LRBA: variants seen among roughly 807,000 people sequenced by gnomAD.
LRBA encodes the protein LPS responsive beige-like anchor protein.
A neutral mutation model predicts 330.0 loss-of-function variants in LRBA; 176 were observed. That is an observed-to-expected ratio of 0.53 (90% CI 0.47 to 0.60). The LOEUF is 0.60. Among genes scored for constraint, LRBA ranks in the 20% least tolerant of loss-of-function variants. The pLI is 0.00. For missense variants in LRBA, 3,259 were observed against 3,444.8 expected (o/e 0.95, Z 1.35); for synonymous variants, 1,230 against 1,193.0 (o/e 1.03, Z -0.64).
intron 44 of LRBA, among the ~76,000 whole-genome samples, chr4:150,444,867 A>C (rs1187873795): frequency 5.3e-5 from 8 of 152,206 alleles, no homozygotes; most frequent in Non-Finnish European, 1.0e-4. Flanking sequence ...TGATGTCTTC[A>C]TAGTTCTATG....
chr4:150,941,554 T>C (rs958650080), intron 2 of LRBA, among the ~76,000 whole-genome samples: 4 of 152,194 alleles, frequency 2.6e-5, no homozygotes, highest in Admixed American at 6.6e-5. Context: ...CAATCCAGAC[T>C]TTTTTTGGAA....
At chr4:150,559,459 G>A (rs1028551268) in intron 40 of LRBA, among the ~76,000 whole-genome samples, 4 of 147,612 alleles carry the variant, frequency 2.7e-5, no homozygotes, top group African/African-American at 1.0e-4. Flanking sequence ...TACTCAGGAG[G>A]TTGAGGCAGG....
chr4:150,503,434 C>T (rs781548551), intron 40 of LRBA, among the ~76,000 whole-genome samples: 5 of 152,292 alleles, frequency 3.3e-5, no homozygotes, highest in East Asian at 3.9e-4. Flanking sequence ...CTGACACCCA[C>T]GCAAACAGGG....
chr4:150,427,655 A>C (rs181501401), intron 46 of LRBA, among the ~76,000 whole-genome samples: 118 of 152,182 alleles, frequency 7.8e-4, no homozygotes, highest in African/African-American at 2.6e-3. Context: ...GAATAAGGAT[A>C]AGATTTTAAT....
At chr4:150,314,697 A>G (rs1405337867) in intron 51 of LRBA, 1 of 152,186 alleles carries the variant, frequency 6.6e-6, no homozygotes, top group Non-Finnish European at 1.5e-5. Context: ...TTTTTATTCT[A>G]AAAGTTATTA....
At chr4:150,285,799 A>C (rs968215101) in intron 54 of LRBA, 134 bp downstream of exon 54, 21 of 483,492 alleles carry the variant, frequency 4.3e-5, no homozygotes, top group Non-Finnish European at 7.6e-5. Flanking sequence ...AAATAATTTA[A>C]ATAGTTCCAT....
At chr4:150,839,884 T>TAA (rs561470627) in intron 28 of LRBA, among the ~76,000 whole-genome samples, 2,111 of 144,126 alleles carry the variant, frequency 0.015, 54 homozygotes, top group African/African-American at 0.049. Flanking sequence ...CTTAAAGTAT[T>TAA]AAAAAAAAAA....
At chr4:150,546,848 T>C (rs1179320548) in intron 40 of LRBA, among the ~76,000 whole-genome samples, 2 of 152,178 alleles carry the variant, frequency 1.3e-5, no homozygotes, top group South Asian at 2.1e-4. Flanking sequence ...TTGGTTTTAA[T>C]ATGCATTGAT....
chr4:150,348,120 C>T (rs1561048318), intron 48 of LRBA, among the ~76,000 whole-genome samples: 1 of 152,164 alleles, frequency 6.6e-6, no homozygotes, highest in Non-Finnish European at 1.5e-5. Flanking sequence ...AGACAGTGTT[C>T]TTCTAGATTA....
chr4:150,383,062 T>C lies in LRBA; in HGVS notation c.7194+32376A>G, dbSNP rs1310927528. ...GTTTTAAAATATATCCCCAAAAAGA[T>C]ACTTAATAGCCCATTTCAGAACTAG... On this transcript the variant is annotated intron_variant, in intron 47 of 56. Coordinates refer to ENST00000651943, the MANE Select transcript of LRBA (RefSeq NM_001364905.1). Among the ~76,000 whole-genome samples the C allele has an allele frequency of 6.6e-5, 10 of 152,328 alleles. No individual in the cohort carries two copies. In the East Asian group the frequency reaches 1.5e-3, roughly 23 times the overall value.
At chr4:150,948,330 A>C (rs935305705) in intron 2 of LRBA, among the ~76,000 whole-genome samples, 9 of 152,020 alleles carry the variant, frequency 5.9e-5, no homozygotes, top group African/African-American at 1.9e-4. Context: ...GACCCACACA[A>C]ATATTCTGAA....
intron 40 of LRBA, among the ~76,000 whole-genome samples, chr4:150,501,746 C>G (rs1336224072): frequency 6.6e-6 from 1 of 152,068 alleles, no homozygotes. Flanking sequence ...CAGAATACTT[C>G]CACTTTTGAT....
At chr4:150,711,549 T>C (rs190704438) in intron 36 of LRBA, among the ~76,000 whole-genome samples, 1 of 152,138 alleles carries the variant, frequency 6.6e-6, no homozygotes, top group Non-Finnish European at 1.5e-5. Context: ...GAAGTTAAAT[T>C]TGCAACCACA....
At chr4:150,917,255 A>G (rs1298496635) in intron 5 of LRBA, among the ~76,000 whole-genome samples, 1 of 151,704 alleles carries the variant, frequency 6.6e-6, no homozygotes, top group Non-Finnish European at 1.5e-5. Flanking sequence ...TCCCTAATAC[A>G]TAGTAATGTT....
At chr4:150,442,276 T>C (rs1200704321) in intron 44 of LRBA, among the ~76,000 whole-genome samples, 2 of 152,080 alleles carry the variant, frequency 1.3e-5, no homozygotes, top group African/African-American at 4.8e-5. Context: ...GCAGAAAAGA[T>C]TGGGGTTAAA....
chr4:150,612,077 A>AT (rs1334526097), intron 37 of LRBA, among the ~76,000 whole-genome samples: 7 of 152,026 alleles, frequency 4.6e-5, no homozygotes, highest in Non-Finnish European at 7.4e-5. Context: ...GAATTTTTGC[A>AT]TTTTTTGTAG....
At chr4:150,298,445 C>T (rs1015065303) in intron 53 of LRBA, among the ~76,000 whole-genome samples, 19 of 151,836 alleles carry the variant, frequency 1.3e-4, no homozygotes, top group African/African-American at 4.1e-4. Flanking sequence ...TAGGGTGATA[C>T]TAGTAAAATT....
chr4:150,695,632 A>G (rs971469161), intron 36 of LRBA, among the ~76,000 whole-genome samples: 1 of 152,078 alleles, frequency 6.6e-6, no homozygotes, highest in African/African-American at 2.4e-5. Context: ...CCAATTTTTG[A>G]TCTGCAGTTA....
intron 44 of LRBA, among the ~76,000 whole-genome samples, chr4:150,439,723 G>A (rs905419576): frequency 2.0e-5 from 3 of 152,154 alleles, no homozygotes; most frequent in Non-Finnish European, 4.4e-5. Context: ...AAAGAAGACT[G>A]TGGAACCATC....
Sources: allele counts gnomAD v4.1 joint callset (sites outside exome capture counted in the v4.1 genomes callset), GRCh38; gene constraint gnomAD v4.1.1; transcripts MANE v1.5; gene names NCBI Gene and HGNC (gene_info 2026-07-23, HGNC 2026-07-21).